Variants in SLC31A1 observed in about 807,000 individuals in gnomAD.
SLC31A1 encodes the protein high affinity copper uptake protein 1.
A neutral mutation model predicts 17.2 loss-of-function variants in SLC31A1; 5 were observed. The ratio of observed to expected loss-of-function variants is 0.29; its 90% confidence interval spans 0.15 to 0.61. SLC31A1 has a LOEUF of 0.61. Ranked by LOEUF, SLC31A1 falls within the 20% of genes least tolerant of loss-of-function variation. SLC31A1 has a pLI of 0.86. For missense variants in SLC31A1, 161 were observed against 241.4 expected, an observed-to-expected ratio of 0.67 and a Z score of 2.21; for synonymous variants, 76 against 78.8, an observed-to-expected ratio of 0.96 and a Z score of 0.19.
intron 1 of SLC31A1, among the ~76,000 whole-genome samples, chr9:113,251,998 G>A (rs567468438): frequency 7.9e-5 from 12 of 152,174 alleles, no homozygotes; most frequent in Non-Finnish European, 1.6e-4. Context: ...TTCTGCTCTT[G>A]TTCTATCTCC....
intron 2 of SLC31A1, 60 bp from the exon 3 acceptor site, chr9:113,257,053 C>G: frequency 3.7e-6 from 5 of 1,359,552 alleles, no homozygotes; most frequent in Non-Finnish European, 5.3e-6. Flanking sequence ...CTTCTTTGCC[C>G]CAAATTCTCA....
At chr9:113,234,329 G>A (rs117453783) in intron 1 of SLC31A1, among the ~76,000 whole-genome samples, 4,493 of 151,212 alleles carry the variant, frequency 0.03, 89 homozygotes, top group African/African-American at 0.037. Flanking sequence ...GGCACCTACC[G>A]CTACGTCCAG....
intron 1 of SLC31A1, among the ~76,000 whole-genome samples, chr9:113,243,210 C>T (rs922657253): frequency 1.3e-5 from 2 of 152,052 alleles, no homozygotes; most frequent in African/African-American, 4.8e-5. Context: ...CACCTGTGTC[C>T]TCTCTCACAT....
intron 1 of SLC31A1, among the ~76,000 whole-genome samples, chr9:113,225,953 G>A (rs1008553861): frequency 2.0e-5 from 3 of 152,142 alleles, no homozygotes; most frequent in African/African-American, 7.2e-5. Context: ...GGCCAACATG[G>A]TGAAACCCCG....
chr9:113,247,272 G>A (rs189807097), intron 1 of SLC31A1, among the ~76,000 whole-genome samples: 483 of 152,176 alleles, frequency 3.2e-3, no homozygotes, highest in Non-Finnish European at 5.2e-3. Flanking sequence ...ATCGTTTTAA[G>A]AAAAAAGACT....
Position 113,256,291 on chromosome 9 carries a change from G to A in SLC31A1, c.129+14G>A. On this transcript the variant is annotated intron_variant, in intron 2 of 4. Coordinates refer to ENST00000374212, the MANE Select transcript of SLC31A1 (RefSeq NM_001859.4). ...ATGATGATGATGGTGAGTGCCATAG[G>A]AGGGGCAATGCAGGCCCTTTCCCAC... 3 of 1,613,926 alleles carry A rather than the reference G, an allele frequency of 1.9e-6. No homozygotes were observed. Among genetic ancestry groups the A allele is most frequent in the Non-Finnish European group, 2.5e-6 (3 of 1,179,898 alleles).
At position 113,262,546 on chromosome 9, in the gene SLC31A1, G is replaced by T. The variant is rs1238954414; in HGVS notation, c.*2073G>T. The T allele has an allele frequency of 6.6e-6, 1 of 152,630 alleles. No individual in the cohort carries two copies. The highest frequency in any genetic ancestry group is 6.5e-5 in the Admixed American group (1 of 15,274). The allele number at this position is 152,630 out of a possible 1,614,324, so 9.5% of individuals were successfully genotyped here. On this transcript the variant is annotated 3_prime_UTR_variant, in exon 5 of 5. Coordinates refer to ENST00000374212, the MANE Select transcript of SLC31A1 (RefSeq NM_001859.4). ...TGCCAGTTAAATATTGGAGAGCAAG[G>T]AATGTGGACTTGTATGGCTTTGAAC...
intron 1 of SLC31A1, among the ~76,000 whole-genome samples, chr9:113,251,282 C>G (rs1482537070): frequency 6.6e-6 from 1 of 152,082 alleles, no homozygotes; most frequent in Non-Finnish European, 1.5e-5. Context: ...ATTAGCTGGG[C>G]ATGGTGGCAC....
In SLC31A1 at chr9:113,262,641, T is replaced by G. The variant is rs1381491640; in HGVS notation, c.*2168T>G. ...AACCAACATTTAGAGCTTTGTGCTT[T>G]TCTCTCATTCCATCACTTTGTAATG... On this transcript the variant is annotated 3_prime_UTR_variant, in exon 5 of 5. Coordinates refer to ENST00000374212, the MANE Select transcript of SLC31A1 (RefSeq NM_001859.4). 6.6e-6 allele frequency: 1 copy of G among 152,622 alleles called. No homozygotes were observed. Among genetic ancestry groups the G allele is most frequent in the Non-Finnish European group, 1.5e-5 (1 of 68,054 alleles). 9.5% of individuals were successfully genotyped at this position (152,622 alleles called of 1,614,324 possible).
chr9:113,245,695 A>G (rs560764740), intron 1 of SLC31A1, among the ~76,000 whole-genome samples: 3 of 151,926 alleles, frequency 2.0e-5, no homozygotes, highest in Admixed American at 6.6e-5. Context: ...GCATGGCACA[A>G]TCATGGCTCA....
intron 1 of SLC31A1, among the ~76,000 whole-genome samples, chr9:113,232,865 CAT>C (rs1427269153): frequency 6.6e-6 from 1 of 151,732 alleles, no homozygotes; most frequent in African/African-American, 2.4e-5. Context: ...GAACAGCAGA[CAT>C]AAGGAAGAAG....
At chr9:113,259,208 A>G (rs529118168) in intron 4 of SLC31A1, among the ~76,000 whole-genome samples, 2 of 152,360 alleles carry the variant, frequency 1.3e-5, no homozygotes, top group East Asian at 3.9e-4. Flanking sequence ...AGTTGATTCT[A>G]TAAAGTTACA....
intron 4 of SLC31A1, among the ~76,000 whole-genome samples, chr9:113,259,682 T>C (rs1421656142): frequency 6.7e-6 from 1 of 148,864 alleles, no homozygotes; most frequent in Non-Finnish European, 1.5e-5. Flanking sequence ...CCTTCCAGAC[T>C]CAAGTGATCC....
At chr9:113,253,996 C>G (rs1044729720) in intron 1 of SLC31A1, among the ~76,000 whole-genome samples, 1 of 128,854 alleles carries the variant, frequency 7.8e-6, no homozygotes, top group Admixed American at 9.5e-5. Flanking sequence ...CTCCTGTCAC[C>G]TAGGCTGGAG....
intron 1 of SLC31A1, among the ~76,000 whole-genome samples, chr9:113,228,338 T>G (rs1831365246): frequency 6.6e-6 from 1 of 152,206 alleles, no homozygotes; most frequent in Non-Finnish European, 1.5e-5. Context: ...TGTGATTACA[T>G]TATTCCAGGA....
chr9:113,230,453 C>A (rs896322140), intron 1 of SLC31A1, among the ~76,000 whole-genome samples: 1 of 152,114 alleles, frequency 6.6e-6, no homozygotes, highest in African/African-American at 2.4e-5. Flanking sequence ...GAGACAAGGC[C>A]TCACTATGTT....
intron 1 of SLC31A1, among the ~76,000 whole-genome samples, chr9:113,234,508 T>TTTTA (rs1554720278): frequency 9.8e-4 from 135 of 138,274 alleles, no homozygotes; most frequent in African/African-American, 3.4e-3. Context: ...TTTTTTTTTT[T>TTTTA]AGCTCTCACT....
intron 1 of SLC31A1, among the ~76,000 whole-genome samples, chr9:113,252,953 TC>T (rs555337002): frequency 0.086 from 8,003 of 92,544 alleles, 554 homozygotes; most frequent in South Asian, 0.17. Context: ...TTTCTTTTTT[TC>T]TTTTTTTTTT....
At chr9:113,242,405 T>A (rs1479495973) in intron 1 of SLC31A1, among the ~76,000 whole-genome samples, 1 of 152,172 alleles carries the variant, frequency 6.6e-6, no homozygotes, top group Non-Finnish European at 1.5e-5. Flanking sequence ...GGGTTCTTTT[T>A]GTTTTGTTTT....
Sources: allele counts gnomAD v4.1 joint callset (sites outside exome capture counted in the v4.1 genomes callset), GRCh38; gene constraint gnomAD v4.1.1; transcripts MANE v1.5; gene names NCBI Gene and HGNC (gene_info 2026-07-23, HGNC 2026-07-21).